The following SPOCK1 variants were observed in gnomAD, a reference collection of about 807,000 sequenced individuals.
The protein encoded by SPOCK1 is testican-1.
In SPOCK1, 23 loss-of-function variants were observed where a neutral mutation model predicts 55.3. That is an observed-to-expected ratio of 0.42 (90% confidence interval 0.30 to 0.59). The LOEUF (loss-of-function observed/expected upper bound fraction) is 0.59, where lower values mean the gene tolerates loss of function less well. Among genes scored for constraint, SPOCK1 ranks in the 20% least tolerant of loss-of-function variants. SPOCK1 has a pLI of 0.22. For missense variants in SPOCK1, 499 were observed against 552.5 expected, an observed-to-expected ratio of 0.90 and a Z score of 0.97; for synonymous variants, 226 against 221.0, an observed-to-expected ratio of 1.02 and a Z score of -0.20.
chr5:137,280,701 C>A (rs1269181026), intron 2 of SPOCK1, among the ~76,000 whole-genome samples: 2 of 152,170 alleles, frequency 1.3e-5, no homozygotes, highest in African/African-American at 2.4e-5. Context: ...TTACCAAGAC[C>A]AAATCCTTTG....
chr5:137,223,292 T>C (rs958965493), intron 3 of SPOCK1, among the ~76,000 whole-genome samples: 1 of 146,338 alleles, frequency 6.8e-6, no homozygotes, highest in African/African-American at 2.5e-5. Flanking sequence ...GCCCTGTACA[T>C]AATGTGCTAT....
chr5:137,153,669 C>T (rs10059949), intron 3 of SPOCK1, among the ~76,000 whole-genome samples: 2,866 of 151,726 alleles, frequency 0.019, 94 homozygotes, highest in African/African-American at 0.066. Flanking sequence ...GCCTGGGCAA[C>T]ATAGCAAAAC....
At chr5:137,314,058 T>C (rs913219236) in intron 2 of SPOCK1, among the ~76,000 whole-genome samples, 3 of 151,488 alleles carry the variant, frequency 2.0e-5, no homozygotes, top group Non-Finnish European at 4.4e-5. Context: ...CTCAATTCAG[T>C]TTGGCCTCAA....
intron 5 of SPOCK1, among the ~76,000 whole-genome samples, chr5:137,074,990 AC>A (rs1351346333): frequency 6.6e-6 from 1 of 151,982 alleles, no homozygotes; most frequent in Non-Finnish European, 1.5e-5. Flanking sequence ...GGCGTGAGTC[AC>A]CGCGCCCGAC....
chr5:137,371,152 A>T (rs1378243531), intron 2 of SPOCK1, among the ~76,000 whole-genome samples: 2 of 152,100 alleles, frequency 1.3e-5, no homozygotes, highest in Non-Finnish European at 2.9e-5. Context: ...ATTAAAAGAG[A>T]CTCACTTTTT....
chr5:137,167,828 ATACTAAGAGGGAATTTT>A (rs1754677675), intron 3 of SPOCK1, among the ~76,000 whole-genome samples: 4 of 152,052 alleles, frequency 2.6e-5, no homozygotes, highest in Admixed American at 2.6e-4. Context: ...AGCAAAAGCA[ATACTAAGAGGGAATTTT>A]ACAGCTTTAA....
intron 2 of SPOCK1, among the ~76,000 whole-genome samples, chr5:137,405,462 C>T (rs915532275): frequency 8.5e-5 from 13 of 152,154 alleles, no homozygotes; most frequent in Non-Finnish European, 1.2e-4. Context: ...ATTTTCCAGT[C>T]AGAAACGAGG....
At chr5:137,493,355 T>C (rs1354494053) in intron 2 of SPOCK1, among the ~76,000 whole-genome samples, 2 of 152,222 alleles carry the variant, frequency 1.3e-5, no homozygotes, top group African/African-American at 4.8e-5. Context: ...TACGGGTCCA[T>C]TATCCATTTG....
intron 6 of SPOCK1, among the ~76,000 whole-genome samples, chr5:137,023,680 T>C (rs187643311): frequency 3.9e-5 from 6 of 152,280 alleles, no homozygotes; most frequent in African/African-American, 1.4e-4. Flanking sequence ...TGCAATGCGA[T>C]GCCCAGACAT....
At chr5:137,246,353 C>T (rs969696355) in intron 3 of SPOCK1, among the ~76,000 whole-genome samples, 3 of 152,198 alleles carry the variant, frequency 2.0e-5, no homozygotes, top group Admixed American at 6.5e-5. Context: ...TGTCTGCCAT[C>T]TATTACTATT....
intron 3 of SPOCK1, among the ~76,000 whole-genome samples, chr5:137,261,582 T>C (rs1471630181): frequency 4.6e-5 from 7 of 152,218 alleles, no homozygotes; most frequent in Admixed American, 4.6e-4. Context: ...TGAGTTTTAT[T>C]TTTATCTGGA....
At chr5:137,431,670 A>C (rs1440369793) in intron 2 of SPOCK1, among the ~76,000 whole-genome samples, 1 of 152,168 alleles carries the variant, frequency 6.6e-6, no homozygotes, top group East Asian at 1.9e-4. Flanking sequence ...CTCAAGGAAA[A>C]TGTACTAGTT....
At chr5:137,000,175 A>T (rs1288399911) in intron 6 of SPOCK1, among the ~76,000 whole-genome samples, 1 of 152,192 alleles carries the variant, frequency 6.6e-6, no homozygotes. Flanking sequence ...TGGAGACCTG[A>T]TGCTGATTCT....
At chr5:137,300,759 C>G (rs1757573629) in intron 2 of SPOCK1, among the ~76,000 whole-genome samples, 1 of 152,172 alleles carries the variant, frequency 6.6e-6, no homozygotes, top group African/African-American at 2.4e-5. Context: ...TCCAGTTGTT[C>G]TAGCAGTTCT....
At chr5:137,441,051 T>C (rs554323994) in intron 2 of SPOCK1, among the ~76,000 whole-genome samples, 1 of 152,354 alleles carries the variant, frequency 6.6e-6, no homozygotes, top group African/African-American at 2.4e-5. Flanking sequence ...CTCGTTCACT[T>C]GTCTGCAGGT....
intron 5 of SPOCK1, among the ~76,000 whole-genome samples, chr5:137,095,557 C>T (rs1007834099): frequency 6.6e-6 from 1 of 152,120 alleles, no homozygotes; most frequent in African/African-American, 2.4e-5. Flanking sequence ...AATTGTGCAT[C>T]CCAAGGTGGC....
chr5:137,413,545 T>A (rs1315300925), intron 2 of SPOCK1, among the ~76,000 whole-genome samples: 3 of 152,216 alleles, frequency 2.0e-5, no homozygotes, highest in Admixed American at 1.3e-4. Flanking sequence ...TCCTGGAAGA[T>A]CTCAGCCACA....
intron 2 of SPOCK1, chr5:137,273,325 G>T: frequency 1.0e-6 from 1 of 958,610 alleles, no homozygotes; most frequent in Non-Finnish European, 1.2e-6. Context: ...ATTTTATTTG[G>T]CAACTACTTT....
chr5:137,065,202 C>T (rs113094112), intron 6 of SPOCK1, among the ~76,000 whole-genome samples: 4,586 of 124,652 alleles, frequency 0.037, 212 homozygotes, highest in East Asian at 0.15. Flanking sequence ...CACTCCAGCA[C>T]GGGTGACAGA....
Sources: allele counts gnomAD v4.1 joint callset (sites outside exome capture counted in the v4.1 genomes callset), GRCh38; gene constraint gnomAD v4.1.1; transcripts MANE v1.5; gene names NCBI Gene and HGNC (gene_info 2026-07-23, HGNC 2026-07-21).